SEC63: variants seen among roughly 807,000 people sequenced by gnomAD.
SEC63 encodes the protein translocation protein SEC63 homolog.
In SEC63, 56 loss-of-function variants were observed where a neutral mutation model predicts 116.2. That is an observed-to-expected ratio of 0.48 (90% CI 0.39 to 0.60). The LOEUF (loss-of-function observed/expected upper bound fraction) is 0.60, where lower values mean the gene tolerates loss of function less well. Ranked by LOEUF, SEC63 falls within the 20% of genes least tolerant of loss-of-function variation. The probability of loss-of-function intolerance (pLI) is 0.00; values close to 1 mark genes in which losing one functional copy is unlikely to be tolerated. For missense variants in SEC63, 668 were observed against 900.0 expected, an observed-to-expected ratio of 0.74 and a Z score of 3.30; for synonymous variants, 273 against 294.6, an observed-to-expected ratio of 0.93 and a Z score of 0.75.
intron 1 of SEC63, among the ~76,000 whole-genome samples, chr6:107,932,979 T>A (rs1259362291): frequency 2.0e-5 from 3 of 151,970 alleles, no homozygotes; most frequent in Non-Finnish European, 4.4e-5. Context: ...CTATCTCGAA[T>A]GACAAAAGGG....
intron 12 of SEC63, 148 bp from the exon 13 acceptor site, chr6:107,901,665 A>T (rs972523117): frequency 1.8e-6 from 1 of 567,768 alleles, no homozygotes; most frequent in Non-Finnish European, 3.1e-6. Context: ...CAAAATAACG[A>T]TATGGCATTT....
intron 16 of SEC63, among the ~76,000 whole-genome samples, chr6:107,893,107 T>TACACACACACACACAC (rs55814816): frequency 6.9e-6 from 1 of 145,818 alleles, no homozygotes; most frequent in African/African-American, 2.5e-5. Flanking sequence ...TGAAATACTA[T>TACACACACACACACAC]ACACACACAC....
chr6:107,920,732 G>A (rs1787536576), intron 4 of SEC63, among the ~76,000 whole-genome samples: 1 of 152,164 alleles, frequency 6.6e-6, no homozygotes, highest in African/African-American at 2.4e-5. Flanking sequence ...CTTATGAAGA[G>A]TCCTGAAGAA....
At chr6:107,937,360 A>G (rs549301836) in intron 1 of SEC63, among the ~76,000 whole-genome samples, 72 of 152,184 alleles carry the variant, frequency 4.7e-4, no homozygotes, top group African/African-American at 1.7e-3. Context: ...TCCTGACCTC[A>G]GGTGATCCAC....
At chr6:107,912,874 C>T in intron 5 of SEC63, 100 bp from the exon 6 acceptor site, 8 of 866,256 alleles carry the variant, frequency 9.2e-6, no homozygotes, top group Non-Finnish European at 1.5e-5. Flanking sequence ...CAGAACTCTC[C>T]CCCACAACAC....
chr6:107,906,360 G>A lies in SEC63; in HGVS notation c.961+88C>T, dbSNP rs141251718. ...CTCAGGTATTTCTTTAGAGCAATGC[G>A]AGAACAAACTAATACACACCATTAA... On this transcript the variant is annotated intron_variant, in intron 10 of 20. Coordinates refer to ENST00000369002, the MANE Select transcript of SEC63 (RefSeq NM_007214.5). 549 of 1,402,132 alleles carry A rather than the reference G, an allele frequency of 3.9e-4. 1 individual carries two copies. The African/African-American group carries it at 5.9e-3, about 15-fold the overall frequency. 86.9% of individuals were successfully genotyped at this position (1,402,132 alleles called of 1,614,324 possible). A position where few individuals can be genotyped will look rare whatever the true frequency, so the allele number is the denominator to read the frequency against.
At chr6:107,901,802 G>T (rs182703827) in intron 12 of SEC63, among the ~76,000 whole-genome samples, 380 of 151,986 alleles carry the variant, frequency 2.5e-3, no homozygotes, top group Admixed American at 4.1e-3. Context: ...ACTCAACCAA[G>T]AACTTTGTCA....
At chr6:107,930,409 G>A (rs551349733) in intron 1 of SEC63, among the ~76,000 whole-genome samples, 177 of 148,606 alleles carry the variant, frequency 1.2e-3, no homozygotes, top group Non-Finnish European at 1.7e-3. Flanking sequence ...TCAGGAGTTC[G>A]AGACCAGCCT....
chr6:107,881,306 A>C, intron 17 of SEC63, 56 bp from the exon 18 acceptor site: 1 of 1,188,838 alleles, frequency 8.4e-7, no homozygotes, highest in East Asian at 2.4e-5. Context: ...TATCACTTTA[A>C]GGATTTCCAG....
intron 13 of SEC63, among the ~76,000 whole-genome samples, chr6:107,899,000 T>C (rs558825100): frequency 6.6e-6 from 1 of 152,334 alleles, no homozygotes; most frequent in Admixed American, 6.5e-5. Flanking sequence ...GTCTCCATTA[T>C]CAAAAATCAA....
At chr6:107,876,188 T>C (rs1423574885) in intron 19 of SEC63, among the ~76,000 whole-genome samples, 5 of 152,118 alleles carry the variant, frequency 3.3e-5, no homozygotes, top group African/African-American at 1.2e-4. Flanking sequence ...ACTCAAGAAA[T>C]CCACATCATC....
chr6:107,874,228 T>A (rs1786198466), intron 19 of SEC63, among the ~76,000 whole-genome samples: 1 of 151,844 alleles, frequency 6.6e-6, no homozygotes, highest in South Asian at 2.1e-4. Flanking sequence ...CGAGACAAAT[T>A]CGTATTAAAT....
At chr6:107,909,829 C>T (rs1787234884) in intron 7 of SEC63, among the ~76,000 whole-genome samples, 1 of 152,144 alleles carries the variant, frequency 6.6e-6, no homozygotes, top group South Asian at 2.1e-4. Flanking sequence ...AATTATTAGA[C>T]TCACTATGTG....
intron 16 of SEC63, among the ~76,000 whole-genome samples, chr6:107,889,993 A>C (rs1229328445): frequency 1.3e-5 from 2 of 152,168 alleles, no homozygotes; most frequent in East Asian, 3.8e-4. Context: ...GGAGTGTTTT[A>C]CTTCCAATTA....
chr6:107,914,020 A>C (rs1472483533), intron 4 of SEC63, among the ~76,000 whole-genome samples: 2 of 152,210 alleles, frequency 1.3e-5, no homozygotes, highest in Admixed American at 6.5e-5. Flanking sequence ...CAGAAGAACC[A>C]GGAAAATTTC....
intron 18 of SEC63, among the ~76,000 whole-genome samples, chr6:107,878,645 C>T (rs542617853): frequency 1.1e-3 from 168 of 152,244 alleles, no homozygotes; most frequent in Middle Eastern, 3.4e-3. Flanking sequence ...CACTTGAAGT[C>T]GGGAGTTTAA....
At chr6:107,934,279 C>T (rs531313738) in intron 1 of SEC63, among the ~76,000 whole-genome samples, 4 of 151,416 alleles carry the variant, frequency 2.6e-5, no homozygotes, top group African/African-American at 9.7e-5. Context: ...AAGTGAGGAG[C>T]GTCTCTGCCC....
intron 1 of SEC63, among the ~76,000 whole-genome samples, chr6:107,951,414 T>G (rs2114519849): frequency 6.6e-6 from 1 of 152,362 alleles, no homozygotes; most frequent in Middle Eastern, 3.4e-3. Context: ...CTGTAAGTGC[T>G]TCTTAGCTAT....
At position 107,886,286 on chromosome 6, in the gene SEC63, T is replaced by C. The variant is rs567127843; in HGVS notation, c.1675-3140A>G. On this transcript the variant is annotated intron_variant, in intron 16 of 20. Coordinates refer to ENST00000369002, the MANE Select transcript of SEC63 (RefSeq NM_007214.5). ...GATGGGCACTTGGGTTGGTTCCAAG[T>C]CTTTGTTATTGTGAACAGTGCCGCA... is the stretch of plus-strand genomic sequence containing the variant. Among the ~76,000 whole-genome samples the C allele has an allele frequency of 8.1e-4, 123 of 152,320 alleles. No individual in the cohort carries two copies. The Middle Eastern group carries it at 0.014, about 17-fold the overall frequency.
Sources: gnomAD v4.1 joint callset for allele counts (sites outside exome capture counted in the v4.1 genomes callset) on GRCh38, gnomAD v4.1.1 for gene constraint, MANE v1.5 for transcripts, NCBI Gene and HGNC (gene_info 2026-07-23, HGNC 2026-07-21) for gene names.